SUSD4: variants seen among roughly 807,000 people sequenced by gnomAD.
SUSD4 encodes the protein sushi domain-containing protein 4.
A neutral mutation model predicts 50.5 loss-of-function variants in SUSD4; 41 were observed. That is an observed-to-expected ratio of 0.81 (90% CI 0.63 to 1.05). The LOEUF is 1.05. Ranked by LOEUF, SUSD4 falls within the 50% of genes least tolerant of loss-of-function variation. SUSD4 has a pLI of 0.00. For synonymous variants in SUSD4, 257 were observed against 257.3 expected (o/e 1.00, Z 0.01); for missense variants, 580 against 634.7 (o/e 0.91, Z 0.93).
intron 5 of SUSD4, among the ~76,000 whole-genome samples, chr1:223,237,491 A>G (rs1455860601): frequency 6.6e-6 from 1 of 151,924 alleles, no homozygotes; most frequent in Admixed American, 6.5e-5. Flanking sequence ...GCTTTTTTGT[A>G]GATATTCTTT....
At chr1:223,362,187 T>G (rs1669020452) in intron 2 of SUSD4, among the ~76,000 whole-genome samples, 1 of 152,242 alleles carries the variant, frequency 6.6e-6, no homozygotes, top group Non-Finnish European at 1.5e-5. Flanking sequence ...CCTGGGTTAT[T>G]GATTACTCTG....
chr1:223,234,990 T>C (rs1460090723), intron 5 of SUSD4: 1 of 1,600,318 alleles, frequency 6.2e-7, no homozygotes, highest in Non-Finnish European at 8.5e-7. Flanking sequence ...GAGGAACAGG[T>C]AGGTGCTGGG....
At chr1:223,284,125 G>A (rs867914407) in intron 3 of SUSD4, among the ~76,000 whole-genome samples, 3 of 151,966 alleles carry the variant, frequency 2.0e-5, no homozygotes, top group East Asian at 1.9e-4. Flanking sequence ...AGATATACCC[G>A]ATGTAAATGA....
chr1:223,358,368 A>C (rs1460904829), intron 2 of SUSD4, among the ~76,000 whole-genome samples: 1 of 152,216 alleles, frequency 6.6e-6, no homozygotes, highest in Non-Finnish European at 1.5e-5. Flanking sequence ...GAACTGAGTC[A>C]AGGGGAAGTC....
intron 2 of SUSD4, chr1:223,359,179 C>T (rs960631840): frequency 2.1e-6 from 1 of 470,450 alleles, no homozygotes; most frequent in African/African-American, 2.0e-5. Context: ...TCCTGCTCTC[C>T]ACCCTTCAGT....
At chr1:223,347,215 C>T (rs1228364595) in intron 2 of SUSD4, among the ~76,000 whole-genome samples, 2 of 152,118 alleles carry the variant, frequency 1.3e-5, no homozygotes, top group Non-Finnish European at 2.9e-5. Flanking sequence ...TCCAATTACA[C>T]TTTTTTAGTT....
At chr1:223,359,810 A>G (rs10495207) in intron 2 of SUSD4, among the ~76,000 whole-genome samples, 39,417 of 152,094 alleles carry the variant, frequency 0.26, 5,199 homozygotes, top group Middle Eastern at 0.3. Flanking sequence ...ATATGAGAGA[A>G]GTTATGGCAT....
chr1:223,225,308 A>G (rs913063236), intron 7 of SUSD4, among the ~76,000 whole-genome samples: 2 of 152,146 alleles, frequency 1.3e-5, no homozygotes, highest in African/African-American at 2.4e-5. Flanking sequence ...TCTAAACCCA[A>G]GAAGATGAAA....
At chr1:223,257,792 CAT>C (rs1408687582) in intron 5 of SUSD4, among the ~76,000 whole-genome samples, 1 of 152,222 alleles carries the variant, frequency 6.6e-6, no homozygotes, top group Non-Finnish European at 1.5e-5. Context: ...GTCTCCCCCA[CAT>C]GTCTGGGGAC....
rs766320440 is a variant in SUSD4, at chr1:223,268,569, G to A, written c.468C>T (p.Pro156=). The change falls in exon 4 of 9, where the codon CCC becomes CCT. Residue 156 remains proline, a synonymous_variant. Coordinates refer to ENST00000366878, the MANE Select transcript of SUSD4 (RefSeq NM_017982.4). Reference sequence around the variant, plus strand: ...ATAATGAAACCATATTGTGTAGGTCGGGGTACCGGATCTTGAATCCTTCAT... The same window carrying A: ...ATAATGAAACCATATTGTGTAGGTCAGGGTACCGGATCTTGAATCCTTCAT... ...TCHEGFKIRY[P]DLHNMVSLCR... 1.4e-5 allele frequency: 23 copies of A among 1,599,676 alleles called. 1 individual carries two copies. In the South Asian group the frequency reaches 2.1e-4, roughly 15 times the overall value.
intron 3 of SUSD4, among the ~76,000 whole-genome samples, chr1:223,284,275 T>G (rs1663980139): frequency 1.3e-5 from 2 of 152,212 alleles, no homozygotes; most frequent in South Asian, 4.1e-4. Flanking sequence ...ACAGATTTGG[T>G]AACGAGATCC....
chr1:223,295,468 C>T (rs1205436864), intron 2 of SUSD4, among the ~76,000 whole-genome samples: 1 of 152,018 alleles, frequency 6.6e-6, no homozygotes, highest in East Asian at 1.9e-4. Flanking sequence ...CAATGGGTGG[C>T]CACAGAAGGG....
rs554279864 is a variant in SUSD4 at position 223,282,578 on chromosome 1, C to G, written c.361+9861G>C. On this transcript the variant is annotated intron_variant, in intron 3 of 8. Coordinates refer to ENST00000366878, the MANE Select transcript of SUSD4 (RefSeq NM_017982.4). ...AGGAGAACTACAAACCACTGCTCAA[C>G]GAAATAAAAGAGGATATGAACAAGT... 2.4e-4 allele frequency among the ~76,000 whole-genome samples: 36 copies of G among 152,078 alleles called. 2 individuals carry two copies. The South Asian group carries it at 6.9e-3, about 29-fold the overall frequency.
At chr1:223,342,000 A>G (rs1248457934) in intron 2 of SUSD4, among the ~76,000 whole-genome samples, 1 of 152,162 alleles carries the variant, frequency 6.6e-6, no homozygotes, top group Non-Finnish European at 1.5e-5. Flanking sequence ...GCAACAGGCA[A>G]AGCACTGAGG....
intron 5 of SUSD4, chr1:223,234,770 T>C (rs1660104745): frequency 1.5e-6 from 1 of 687,426 alleles, no homozygotes; most frequent in South Asian, 4.2e-5. Context: ...AATAGAGCTT[T>C]GCCAGTCCCA....
chr1:223,329,428 C>T lies in SUSD4; in HGVS notation c.148+33850G>A, dbSNP rs1328690727. Among the ~76,000 whole-genome samples the T allele has an allele frequency of 2.6e-5, 4 of 152,214 alleles. No individual in the cohort carries two copies. The East Asian group carries it at 7.7e-4, about 29-fold the overall frequency. ...TCCCCATATGTGCACTCTCTAAGTG[C>T]AAGCCCAATGTCCCTTTTCCCAAAG... On this transcript the variant is annotated intron_variant, in intron 2 of 8. Transcript: ENST00000366878.
chr1:223,328,829 T>A (rs1558254965), intron 2 of SUSD4, among the ~76,000 whole-genome samples: 1 of 152,138 alleles, frequency 6.6e-6, no homozygotes, highest in Non-Finnish European at 1.5e-5. Context: ...CCACTCAGGG[T>A]TAAATTTGGC....
Position 223,301,654 on chromosome 1 carries a change from T to C in SUSD4, c.149-9003A>G, listed in dbSNP as rs566902724. 7.9e-5 allele frequency among the ~76,000 whole-genome samples: 12 copies of C among 152,288 alleles called. No homozygotes were observed. The East Asian group carries it at 2.3e-3, about 29-fold the overall frequency. On this transcript the variant is annotated intron_variant, in intron 2 of 8. Transcript: ENST00000366878. ...CAGCAATGCAGGTAAACCACCCAAC[T>C]GTTAAAATATCTCTGTGCATCAATA... is the stretch of plus-strand genomic sequence containing the variant.
chr1:223,227,122 T>C lies in SUSD4; in HGVS notation c.1061+472A>G, dbSNP rs977898205. ...AGCCCTTTCCTGATTGCTCCTGGAA[T>C]CAGAAAAGTCTTTTCTCCTTCCTGA... is the stretch of plus-strand genomic sequence containing the variant. On this transcript the variant is annotated intron_variant, in intron 7 of 8. Coordinates refer to ENST00000366878, the MANE Select transcript of SUSD4 (RefSeq NM_017982.4). This position sits in a 1 kb window ranked among gnomAD's most constrained non-coding sequence, Gnocchi z 4.5. 6.6e-5 allele frequency among the ~76,000 whole-genome samples: 10 copies of C among 152,198 alleles called. No individual in the cohort carries two copies.
Sources: allele counts gnomAD v4.1 joint callset (sites outside exome capture counted in the v4.1 genomes callset), GRCh38; gene constraint gnomAD v4.1.1; non-coding constraint Gnocchi (gnomAD v3.1); transcripts MANE v1.5; gene names NCBI Gene and HGNC (gene_info 2026-07-23, HGNC 2026-07-21).